NLK: variants seen among roughly 807,000 people sequenced by gnomAD.
The protein encoded by NLK is serine/threonine-protein kinase NLK.
NLK carries 11 observed loss-of-function variants against 59.0 expected under a neutral mutation model. The observed-to-expected ratio is 0.19, with a 90% CI of 0.12 to 0.31. NLK has a LOEUF of 0.31. NLK is among the 10% of genes least tolerant of loss of function. The pLI, the probability that NLK is intolerant of heterozygous loss-of-function variation, is 1.00. For synonymous variants in NLK, 235 were observed against 235.9 expected, an observed-to-expected ratio of 1.00 and a Z score of 0.03; for missense variants, 410 against 661.1, an observed-to-expected ratio of 0.62 and a Z score of 4.16.
chr17:28,203,529 ATCTT>A, the NLK span, among the ~76,000 whole-genome samples: 21 of 151,800 alleles, frequency 1.4e-4, no homozygotes, highest in East Asian at 5.8e-4. Flanking sequence ...TCCCCTGTTG[ATCTT>A]TCTTTCTTTT....
chr17:28,120,254 G>GTGTA (rs1209859568), intron 1 of NLK, among the ~76,000 whole-genome samples: 12 of 145,690 alleles, frequency 8.2e-5, no homozygotes, highest in South Asian at 4.5e-4. Flanking sequence ...GTGTGTGTGT[G>GTGTA]TGTGTGTGTG....
At chr17:28,117,032 A>T (rs1905805892) in intron 1 of NLK, among the ~76,000 whole-genome samples, 1 of 152,158 alleles carries the variant, frequency 6.6e-6, no homozygotes. Context: ...CTAAGCAAGG[A>T]CTGTGGCTAG....
intron 1 of NLK, among the ~76,000 whole-genome samples, chr17:28,121,857 A>T (rs1005512471): frequency 6.6e-6 from 1 of 152,148 alleles, no homozygotes; most frequent in African/African-American, 2.4e-5. Context: ...AGAAAAACAG[A>T]AACCACACTC....
chr17:28,123,342 T>C (rs1337563169), intron 2 of NLK, among the ~76,000 whole-genome samples: 1 of 152,190 alleles, frequency 6.6e-6, no homozygotes, highest in East Asian at 1.9e-4. Flanking sequence ...AGGTTATTAA[T>C]AGAAACCACA....
At position 28,168,561 on chromosome 17, in the gene NLK, T is replaced by C. The variant is rs780406188; in HGVS notation, c.951T>C (p.His317=). The C allele has an allele frequency of 3.7e-5, 59 of 1,613,380 alleles. No homozygotes were observed. Among genetic ancestry groups the C allele is most frequent in the Non-Finnish European group, 4.0e-5 (47 of 1,179,422 alleles). ...RAPEILMGSR[H]YSNAIDIWSV... is the part of the protein sequence containing the mutation. ...CAGAAATCCTGATGGGCAGCCGTCATTACAGCAATGCTATTGACATCTGGT... is the reference window on the plus strand; with the variant it reads ...CAGAAATCCTGATGGGCAGCCGTCACTACAGCAATGCTATTGACATCTGGT... The change falls in exon 6 of 11, where the codon CAT becomes CAC. Residue 317 remains histidine (H), a synonymous_variant. Transcript: ENST00000407008.
rs1454336945 is a variant in NLK, at chr17:28,091,666, T to C, written c.459-30937T>C. Among the ~76,000 whole-genome samples the C allele has an allele frequency of 2.6e-5, 4 of 152,282 alleles. No individual in the cohort carries two copies. In the East Asian group the frequency reaches 5.8e-4, roughly 22 times the overall value. ...TAAGACCTGTTTCTTTAGAATGTCA[T>C]GACCAGAATTTCCATAGTAATCTCT... On this transcript the variant is annotated intron_variant, in intron 1 of 10. Transcript: ENST00000407008.
chr17:28,175,437 CA>C (rs1424745878), intron 7 of NLK, among the ~76,000 whole-genome samples: 1 of 149,242 alleles, frequency 6.7e-6, no homozygotes, highest in African/African-American at 2.5e-5. Context: ...GGCGACACAG[CA>C]AGACTTCGTC....
chr17:28,190,962 C>A (rs1302993544), intron 8 of NLK, 59 bp from the exon 9 acceptor site: 3 of 1,210,668 alleles, frequency 2.5e-6, no homozygotes, highest in Non-Finnish European at 2.3e-6. Context: ...TTGAAAGATC[C>A]TATGTGGACA....
At chr17:28,104,661 C>T (rs935208857) in intron 1 of NLK, among the ~76,000 whole-genome samples, 3 of 151,984 alleles carry the variant, frequency 2.0e-5, no homozygotes, top group South Asian at 2.1e-4. Flanking sequence ...TAGTTTCATC[C>T]TTCTTACTGG....
intron 7 of NLK, among the ~76,000 whole-genome samples, chr17:28,172,970 G>A (rs755608739): frequency 6.6e-6 from 1 of 152,098 alleles, no homozygotes; most frequent in Non-Finnish European, 1.5e-5. Flanking sequence ...TCCAAATACT[G>A]AGCCAAAATA....
chr17:28,071,869 GC>G (rs1424673137), intron 1 of NLK, among the ~76,000 whole-genome samples: 1 of 152,232 alleles, frequency 6.6e-6, no homozygotes, highest in Non-Finnish European at 1.5e-5. Context: ...CTTTCAGCAT[GC>G]AGTTTACTCT....
chr17:28,182,986 G>A (rs1053600045), intron 7 of NLK, among the ~76,000 whole-genome samples: 1 of 152,214 alleles, frequency 6.6e-6, no homozygotes, highest in African/African-American at 2.4e-5. Flanking sequence ...ACTATGAAAG[G>A]CTGCTCTAGT....
At chr17:28,074,425 GATACAGTGATAGATTTTAGAGC>G (rs1336633633) in intron 1 of NLK, among the ~76,000 whole-genome samples, 1 of 152,126 alleles carries the variant, frequency 6.6e-6, no homozygotes, top group African/African-American at 2.4e-5. Flanking sequence ...TTTTTAAATG[GATACAGTGATAGATTTTAGAGC>G]ATAACAGTTA....
At position 28,145,259 on chromosome 17, in the gene NLK, T is replaced by C. The variant is rs549169935; in HGVS notation, c.644+12584T>C. ...TTTTGTTTTGGGGGGATATGGGGAC[T>C]ATTAATCAGTTATAGAATATTAATC... On this transcript the variant is annotated intron_variant, in intron 3 of 10. Coordinates refer to ENST00000407008, the MANE Select transcript of NLK (RefSeq NM_016231.5). Among the ~76,000 whole-genome samples, 43 of 152,312 alleles carry C rather than the reference T, an allele frequency of 2.8e-4. No homozygotes were observed. The East Asian group carries it at 8.1e-3, about 29-fold the overall frequency.
intron 3 of NLK, among the ~76,000 whole-genome samples, chr17:28,158,273 A>G (rs1907865670): frequency 6.6e-6 from 1 of 152,222 alleles, no homozygotes; most frequent in Admixed American, 6.5e-5. Flanking sequence ...TTGTATATCT[A>G]AACGTATCTG....
chr17:28,072,306 ATCT>A (rs1383055711), intron 1 of NLK, among the ~76,000 whole-genome samples: 1 of 147,710 alleles, frequency 6.8e-6, no homozygotes, highest in Non-Finnish European at 1.5e-5. Flanking sequence ...GTGCTTACTG[ATCT>A]TCTTTCTTCT....
intron 7 of NLK, among the ~76,000 whole-genome samples, chr17:28,175,269 C>A (rs992294917): frequency 2.6e-5 from 4 of 151,376 alleles, no homozygotes; most frequent in African/African-American, 9.7e-5. Context: ...CATGGTGAAA[C>A]CCCGTCTCTA....
chr17:28,090,866 T>C (rs542612303), intron 1 of NLK, among the ~76,000 whole-genome samples: 75 of 152,308 alleles, frequency 4.9e-4, no homozygotes, highest in Non-Finnish European at 8.5e-4. Flanking sequence ...GTGTAATATG[T>C]CTTTTTTTCC....
At chr17:28,127,096 A>G (rs1173909296) in intron 2 of NLK, among the ~76,000 whole-genome samples, 1 of 152,164 alleles carries the variant, frequency 6.6e-6, no homozygotes, top group Non-Finnish European at 1.5e-5. Flanking sequence ...CAAGTCTTGG[A>G]CATTTTTCTT....
Sources: allele counts gnomAD v4.1 joint callset (sites outside exome capture counted in the v4.1 genomes callset), GRCh38; gene constraint gnomAD v4.1.1; transcripts MANE v1.5; gene names NCBI Gene and HGNC (gene_info 2026-07-23, HGNC 2026-07-21).